Variants in ZBTB20 observed in about 807,000 individuals in gnomAD.
The protein encoded by ZBTB20 is zinc finger and BTB domain-containing protein 20.
In ZBTB20, 9 loss-of-function variants were observed where a neutral mutation model predicts 56.9. The ratio of observed to expected loss-of-function variants is 0.16; its 90% CI spans 0.10 to 0.28. The LOEUF (loss-of-function observed/expected upper bound fraction) is 0.28. ZBTB20 is among the 10% of genes least tolerant of loss of function. The pLI, the probability that ZBTB20 is intolerant of heterozygous loss-of-function variation, is 1.00. For missense variants in ZBTB20, 655 were observed against 1,003.0 expected (o/e 0.65, Z 4.69); for synonymous variants, 417 against 420.7 (o/e 0.99, Z 0.11).
chr3:114,888,900 T>G (rs1381929701), intron 4 of ZBTB20, among the ~76,000 whole-genome samples: 1 of 152,170 alleles, frequency 6.6e-6, no homozygotes, highest in Non-Finnish European at 1.5e-5. Flanking sequence ...TATTTTTATG[T>G]ACTTACACTT....
intron 6 of ZBTB20, among the ~76,000 whole-genome samples, chr3:114,578,488 A>G (rs2054316880): frequency 6.6e-6 from 1 of 152,020 alleles, no homozygotes; most frequent in Non-Finnish European, 1.5e-5. Context: ...CTAATAATTC[A>G]AAATAAATCC....
intron 5 of ZBTB20, among the ~76,000 whole-genome samples, chr3:114,773,044 T>C (rs58039044): frequency 6.6e-6 from 1 of 152,282 alleles, no homozygotes; most frequent in African/African-American, 2.4e-5. Context: ...CTCTGACATA[T>C]AGGGACAGCA....
intron 6 of ZBTB20, among the ~76,000 whole-genome samples, chr3:114,581,933 G>T (rs2054670068): frequency 6.6e-6 from 1 of 152,126 alleles, no homozygotes; most frequent in African/African-American, 2.4e-5. Flanking sequence ...CTATAAAAAT[G>T]TTAACTGTGG....
intron 1 of ZBTB20, among the ~76,000 whole-genome samples, chr3:115,115,006 A>C (rs116199518): frequency 8.3e-4 from 127 of 152,246 alleles, no homozygotes; most frequent in Middle Eastern, 3.4e-3. Context: ...GGTGCAAATG[A>C]TATTCATGGC....
chr3:115,083,157 T>C (rs1466870143), intron 1 of ZBTB20, among the ~76,000 whole-genome samples: 11 of 152,056 alleles, frequency 7.2e-5, no homozygotes, highest in Non-Finnish European at 1.5e-5. Context: ...TCTCTCAGCA[T>C]ACAACTATTT....
chr3:114,625,180 C>T (rs1020097577), intron 6 of ZBTB20, among the ~76,000 whole-genome samples: 3 of 151,768 alleles, frequency 2.0e-5, no homozygotes, highest in Admixed American at 1.3e-4. Context: ...AGCGCCTCAT[C>T]AGCTCTGGGG....
At chr3:114,482,526 G>A (rs2041671589) in intron 7 of ZBTB20, among the ~76,000 whole-genome samples, 1 of 152,102 alleles carries the variant, frequency 6.6e-6, no homozygotes, top group Non-Finnish European at 1.5e-5. Flanking sequence ...TTTCTGAATA[G>A]GAGAAGATAT....
At chr3:114,427,213 T>A (rs1288393396) in intron 7 of ZBTB20, among the ~76,000 whole-genome samples, 2 of 152,220 alleles carry the variant, frequency 1.3e-5, no homozygotes, top group Non-Finnish European at 2.9e-5. Flanking sequence ...CTCACCCTCT[T>A]GATTGTTTAA....
At chr3:114,435,865 A>T (rs1357695817) in intron 7 of ZBTB20, among the ~76,000 whole-genome samples, 3 of 152,100 alleles carry the variant, frequency 2.0e-5, no homozygotes, top group African/African-American at 7.2e-5. Flanking sequence ...ACTGCCAGAA[A>T]CTCATCTGAA....
intron 1 of ZBTB20, among the ~76,000 whole-genome samples, chr3:115,111,544 T>A (rs1413391042): frequency 2.0e-5 from 3 of 152,124 alleles, no homozygotes; most frequent in Non-Finnish European, 4.4e-5. Flanking sequence ...ATGCACTTAA[T>A]ACCCACTCAA....
chr3:114,853,723 G>C (rs2075115363), intron 4 of ZBTB20, among the ~76,000 whole-genome samples: 1 of 152,158 alleles, frequency 6.6e-6, no homozygotes, highest in Non-Finnish European at 1.5e-5. Flanking sequence ...TAGACTACCA[G>C]ATGAAGTTAT....
chr3:114,934,572 A>G (rs2107820158), intron 3 of ZBTB20, among the ~76,000 whole-genome samples: 2 of 152,310 alleles, frequency 1.3e-5, no homozygotes, highest in Admixed American at 1.3e-4. Flanking sequence ...GTTACTTTCC[A>G]GAGTAACTTT....
rs564155335 is a variant in ZBTB20, at chr3:114,859,306, T to C, written c.-417+40998A>G. Among the ~76,000 whole-genome samples the C allele has an allele frequency of 4.4e-4, 66 of 149,612 alleles. No individual in the cohort carries two copies. In the East Asian group the frequency reaches 7.3e-3, roughly 16 times the overall value. On this transcript the variant is annotated intron_variant, in intron 4 of 11. Transcript: ENST00000675478. ...TTCCTTTCTTCCTTCCTTCTTTCCTTCCTTCCTTCTTGCCTTCCTTCCTTT... is the reference window on the plus strand; with the variant it reads ...TTCCTTTCTTCCTTCCTTCTTTCCTCCCTTCCTTCTTGCCTTCCTTCCTTT...
At chr3:114,555,986 T>A (rs1475603632) in intron 6 of ZBTB20, among the ~76,000 whole-genome samples, 1 of 152,138 alleles carries the variant, frequency 6.6e-6, no homozygotes, top group Non-Finnish European at 1.5e-5. Context: ...AACATAGGTG[T>A]CATTGCCTTC....
At chr3:115,072,405 T>C (rs968993148) in intron 1 of ZBTB20, among the ~76,000 whole-genome samples, 2 of 152,168 alleles carry the variant, frequency 1.3e-5, no homozygotes, top group Non-Finnish European at 2.9e-5. Flanking sequence ...GGAATACTCA[T>C]TGCATGGCAT....
chr3:115,002,511 A>T (rs1368600013), intron 2 of ZBTB20, among the ~76,000 whole-genome samples: 1 of 151,692 alleles, frequency 6.6e-6, no homozygotes, highest in African/African-American at 2.4e-5. Flanking sequence ...GAAGAAAAAC[A>T]ACTTGATTAA....
chr3:114,723,873 T>C (rs2065084337), intron 5 of ZBTB20, among the ~76,000 whole-genome samples: 1 of 152,016 alleles, frequency 6.6e-6, no homozygotes, highest in African/African-American at 2.4e-5. Context: ...TTCCTTCTTT[T>C]CTTTTTTTTT....
intron 8 of ZBTB20, among the ~76,000 whole-genome samples, chr3:114,381,449 G>A (rs532787762): frequency 1.6e-4 from 25 of 152,312 alleles, no homozygotes; most frequent in African/African-American, 5.5e-4. Flanking sequence ...CAAATACTTA[G>A]CTTATACTAC....
chr3:114,778,663 GAGA>G (rs1247381161), intron 5 of ZBTB20, among the ~76,000 whole-genome samples: 2 of 152,106 alleles, frequency 1.3e-5, no homozygotes, highest in East Asian at 3.9e-4. Flanking sequence ...ATCAGCAAAT[GAGA>G]AGAACTGAGA....
Sources: gnomAD v4.1 joint callset for allele counts (sites outside exome capture counted in the v4.1 genomes callset) on GRCh38, gnomAD v4.1.1 for gene constraint, MANE v1.5 for transcripts, NCBI Gene and HGNC (gene_info 2026-07-23, HGNC 2026-07-21) for gene names.